EIF2S3: variants seen among roughly 807,000 people sequenced by gnomAD.
EIF2S3 encodes the protein eukaryotic translation initiation factor 2 subunit 3.
In EIF2S3, 2 loss-of-function variants were observed where a neutral mutation model predicts 31.7. The ratio of observed to expected loss-of-function variants is 0.06; its 90% CI spans 0.03 to 0.20. The LOEUF (loss-of-function observed/expected upper bound fraction) is 0.20, where lower values mean the gene tolerates loss of function less well. EIF2S3 is among the 10% of genes least tolerant of loss of function. The pLI, the probability that EIF2S3 is intolerant of heterozygous loss-of-function variation, is 1.00. For synonymous variants in EIF2S3, 120 were observed against 126.7 expected (o/e 0.95, Z 0.36); for missense variants, 96 against 359.3 (o/e 0.27, Z 5.92).
At chrX:24,066,523 C>CTTTTTT (rs113989989) in intron 8 of EIF2S3, among the ~76,000 whole-genome samples, 31 of 94,259 alleles carry the variant, frequency 3.3e-4, no homozygotes, top group Non-Finnish European at 4.3e-4. Context: ...CTTTTCTTTT[C>CTTTTTT]TTTTTTTTTT....
At chrX:24,063,458 A>G (rs1270143633) in intron 6 of EIF2S3, among the ~76,000 whole-genome samples, 1 of 111,860 alleles carries the variant, frequency 8.9e-6, no homozygotes, top group East Asian at 2.8e-4. Flanking sequence ...TTCTTTGACT[A>G]GCTTGTTTGA....
At chrX:24,076,637 G>A in intron 11 of EIF2S3, 85 bp from the exon 12 acceptor site, 4 of 935,430 alleles carry the variant, frequency 4.3e-6, no homozygotes, top group South Asian at 2.2e-5. Context: ...CAGAAGATAA[G>A]CAGGTAAAAT....
chrX:24,059,976 A>G (rs1488615219), intron 4 of EIF2S3, 112 bp from the exon 5 acceptor site: 1 of 574,869 alleles, frequency 1.7e-6, no homozygotes, highest in Non-Finnish European at 2.7e-6. Context: ...CCCTGTAACC[A>G]TTTTATAGCA....
chrX:24,060,847 T>C (rs1602041876), intron 5 of EIF2S3, among the ~76,000 whole-genome samples: 1 of 100,505 alleles, frequency 9.9e-6, no homozygotes, highest in Non-Finnish European at 2.0e-5. Context: ...TGTAATCCCA[T>C]CTACTCAGGA....
intron 6 of EIF2S3, among the ~76,000 whole-genome samples, chrX:24,063,399 C>G (rs746929908): frequency 1.8e-5 from 2 of 112,026 alleles, no homozygotes; most frequent in Non-Finnish European, 3.8e-5. Flanking sequence ...TCTGTCATCA[C>G]GAGAAGTAAT....
chrX:24,068,123 C>G lies in EIF2S3; in HGVS notation c.1012+15C>G. ...CGGTCTTATTGGTAAGGATTTTTTTCTCATCTCTTTTAATTTGTGGCTATT... is the reference window on the plus strand; with the variant it reads ...CGGTCTTATTGGTAAGGATTTTTTTGTCATCTCTTTTAATTTGTGGCTATT... On this transcript the variant is annotated intron_variant, in intron 9 of 11. Transcript: ENST00000253039. The G allele has an allele frequency of 8.6e-7, 1 of 1,166,140 alleles. No individual in the cohort carries two copies. The highest frequency in any genetic ancestry group is 1.2e-6 in the Non-Finnish European group (1 of 866,824).
intron 4 of EIF2S3, among the ~76,000 whole-genome samples, chrX:24,059,415 G>GT (rs1170074658): frequency 5.7e-4 from 57 of 100,533 alleles, no homozygotes; most frequent in African/African-American, 1.1e-3. Context: ...TTGGAAAATT[G>GT]TTTTTTTTTT....
In EIF2S3 at chrX:24,078,329, TTTTC is replaced by T. The variant is rs1321015647; in HGVS notation, c.*1548_*1551del. Among the ~76,000 whole-genome samples the T allele has an allele frequency of 9.0e-6, 1 of 110,966 alleles. No individual in the cohort carries two copies. Among genetic ancestry groups the T allele is most frequent in the African/African-American group, 3.3e-5 (1 of 30,653 alleles). ...GCGTGAGCCACTCTGCCCGGCTTAT[TTTTC>T]TTTATGTTTTTGCTTCGTAAGAGGT... On this transcript the variant is annotated 3_prime_UTR_variant, in exon 12 of 12. Transcript: ENST00000253039.
chrX:24,057,022 T>TCGTA (rs1555982979), intron 2 of EIF2S3, among the ~76,000 whole-genome samples: 2 of 83,981 alleles, frequency 2.4e-5, no homozygotes, highest in African/African-American at 3.4e-5. Flanking sequence ...TTGGCTTTAA[T>TCGTA]TGTATTTATT....
chrX:24,074,862 C>CTTCTTTTTTTT (rs1555984976), intron 11 of EIF2S3, among the ~76,000 whole-genome samples: 5 of 47,466 alleles, frequency 1.1e-4, no homozygotes, highest in African/African-American at 4.8e-4. Flanking sequence ...TTTTCTTCTT[C>CTTCTTTTTTTT]TTTTTTTTTT....
chrX:24,057,575 A>G (rs373670584), intron 3 of EIF2S3, 27 bp downstream of exon 3: 1 of 1,206,399 alleles, frequency 8.3e-7, no homozygotes, highest in Non-Finnish European at 1.1e-6. Context: ...GGAACGAGAA[A>G]CTAACTTTAA....
intron 10 of EIF2S3, among the ~76,000 whole-genome samples, chrX:24,072,084 A>G (rs1490743369): frequency 1.8e-5 from 2 of 109,914 alleles, no homozygotes; most frequent in South Asian, 3.9e-4. Context: ...ACTATATGTT[A>G]GCCAGGCTGG....
chrX:24,071,607 G>A lies in EIF2S3; in HGVS notation c.1062G>A (p.Val354=). 1 of 1,210,821 alleles carries A rather than the reference G, an allele frequency of 8.3e-7. No homozygotes were observed. The highest frequency in any genetic ancestry group is 1.1e-6 in the Non-Finnish European group (1 of 895,350). The part of the protein sequence containing the change: ...DPTLCRADRM[V]GQVLGAVGAL... ...CTTTGTGCCGGGCTGACAGAATGGT[G>A]GGGCAAGTACTTGGTGCAGTCGGAG... Residue 354 remains valine (V), a synonymous_variant, in exon 10 of 12, where the codon GTG becomes GTA. Coordinates refer to ENST00000253039, the MANE Select transcript of EIF2S3 (RefSeq NM_001415.4).
intron 2 of EIF2S3, 54 bp downstream of exon 2, chrX:24,055,732 C>T (rs1046273579): frequency 6.4e-6 from 7 of 1,096,906 alleles, no homozygotes; most frequent in Non-Finnish European, 8.8e-6. Flanking sequence ...ATTTTAACCT[C>T]ACTTTTTGTG....
rs751138938 is a variant in EIF2S3 at position 24,071,656 on chromosome X, T to C, written c.1111T>C (p.Leu371=). The part of the protein sequence containing the change: ...VGALPEIFTE[L]EISYFLLRRL... ...AGCTTTACCTGAGATATTCACAGAA[T>C]TGGAAATTTCCTATTTCCTGCTTAG... Residue 371 remains leucine, a synonymous_variant, in exon 10 of 12, where the codon TTG becomes CTG. Coordinates refer to ENST00000253039, the MANE Select transcript of EIF2S3 (RefSeq NM_001415.4). 2 of 1,211,204 alleles carry C rather than the reference T, an allele frequency of 1.7e-6. No individual in the cohort carries two copies. Among genetic ancestry groups the C allele is most frequent in the Non-Finnish European group, 2.2e-6 (2 of 895,283 alleles).
At chrX:24,074,762 C>T (rs777178753) in intron 11 of EIF2S3, among the ~76,000 whole-genome samples, 1 of 108,597 alleles carries the variant, frequency 9.2e-6, no homozygotes, top group Non-Finnish European at 1.9e-5. Context: ...CACTGTCTTC[C>T]TTTATTTTGA....
rs771162587 is a variant in EIF2S3 at position 24,058,783 on chromosome X, GT to G, written c.383+1033del. On this transcript the variant is annotated intron_variant, in intron 4 of 11. Coordinates refer to ENST00000253039, the MANE Select transcript of EIF2S3 (RefSeq NM_001415.4). ...ACTGGAGTGCAGTGGTAGAGACGGG[GT>G]TTTACCATGTTGGCCAGGATGGTCT... Among the ~76,000 whole-genome samples the G allele has an allele frequency of 8.9e-4, 98 of 110,490 alleles. 1 individual carries two copies. The highest frequency in any genetic ancestry group is 1.6e-3 in the Non-Finnish European group (87 of 52,857).
chrX:24,063,660 T>C (rs747488808), intron 6 of EIF2S3, among the ~76,000 whole-genome samples: 1 of 110,541 alleles, frequency 9.0e-6, no homozygotes, highest in South Asian at 3.8e-4. Flanking sequence ...TGTTCCCAGC[T>C]ATTATGTAGG....
chrX:24,055,136 C>T (rs1930380895), intron 1 of EIF2S3, 99 bp downstream of exon 1: 1 of 992,157 alleles, frequency 1.0e-6, no homozygotes, highest in Non-Finnish European at 1.4e-6. Context: ...GAGCATGGGT[C>T]AGGAGCCTGG....
Sources: gnomAD v4.1 joint callset for allele counts (sites outside exome capture counted in the v4.1 genomes callset) on GRCh38, gnomAD v4.1.1 for gene constraint, MANE v1.5 for transcripts, NCBI Gene and HGNC (gene_info 2026-07-23, HGNC 2026-07-21) for gene names.